The following UIMC1 variants were observed in gnomAD, a reference collection of about 807,000 sequenced individuals.
The protein encoded by UIMC1 is BRCA1-A complex subunit RAP80.
In UIMC1, 42 loss-of-function variants were observed where a neutral mutation model predicts 84.9. That is an observed-to-expected ratio of 0.49 (90% CI 0.39 to 0.64). UIMC1 has a LOEUF of 0.64. Ranked by LOEUF, UIMC1 falls within the 30% of genes least tolerant of loss-of-function variation. The probability of loss-of-function intolerance (pLI) is 0.00; values close to 1 mark genes in which losing one functional copy is unlikely to be tolerated. For synonymous variants in UIMC1, 281 were observed against 293.0 expected, an observed-to-expected ratio of 0.96 and a Z score of 0.42; for missense variants, 825 against 847.6, an observed-to-expected ratio of 0.97 and a Z score of 0.33.
At position 176,956,045 on chromosome 5, in the gene UIMC1, A is replaced by G; in HGVS notation, c.1263-10T>C. On this transcript the variant is annotated splice_polypyrimidine_tract_variant and intron_variant, in intron 7 of 14. Coordinates refer to ENST00000511320, the MANE Select transcript of UIMC1 (RefSeq NM_001199298.2). ...GGTCAAAGCAGCAACACTGAAAGAG[A>G]ACCAAATCCCAAATGAATTCCCAGT... is the stretch of plus-strand genomic sequence containing the variant. 1 of 1,612,574 alleles carries G rather than the reference A, an allele frequency of 6.2e-7. No individual in the cohort carries two copies. The highest frequency in any genetic ancestry group is 8.5e-7 in the Non-Finnish European group (1 of 1,179,376).
At chr5:176,995,639 C>T (rs190620157) in intron 1 of UIMC1, among the ~76,000 whole-genome samples, 1 of 149,036 alleles carries the variant, frequency 6.7e-6, no homozygotes. Flanking sequence ...GTGAAAAGAT[C>T]GAGACCATCC....
intron 1 of UIMC1, among the ~76,000 whole-genome samples, chr5:177,004,192 A>C (rs1774952400): frequency 6.6e-6 from 1 of 152,204 alleles, no homozygotes; most frequent in African/African-American, 2.4e-5. Flanking sequence ...AAAGGCATGT[A>C]AATAAATAAA....
chr5:176,973,677 G>A (rs573580095), intron 3 of UIMC1, among the ~76,000 whole-genome samples: 247 of 152,182 alleles, frequency 1.6e-3, no homozygotes, highest in African/African-American at 5.7e-3. Context: ...GCAGAGGTGG[G>A]AAGATCACTT....
intron 13 of UIMC1, chr5:176,906,296 AG>A (rs1465584880): frequency 4.5e-6 from 2 of 441,250 alleles, no homozygotes; most frequent in Non-Finnish European, 8.1e-6. Context: ...TCTGGACTTG[AG>A]GAACAAGGAA....
chr5:176,983,533 T>C (rs992111004), intron 1 of UIMC1, among the ~76,000 whole-genome samples: 1 of 152,104 alleles, frequency 6.6e-6, no homozygotes, highest in African/African-American at 2.4e-5. Context: ...GCTCACTCAA[T>C]GCTCAATGTT....
chr5:177,010,990 C>T (rs1233343706), upstream of UIMC1, among the ~76,000 whole-genome samples: 1 of 151,930 alleles, frequency 6.6e-6, no homozygotes, highest in Non-Finnish European at 1.5e-5. Flanking sequence ...CTCAGGAGTT[C>T]GAGACCAGCC....
intron 10 of UIMC1, among the ~76,000 whole-genome samples, chr5:176,934,160 T>C: frequency 6.6e-6 from 1 of 152,114 alleles, no homozygotes. Flanking sequence ...AGCACAATAT[T>C]TCACTAACAG....
intron 10 of UIMC1, among the ~76,000 whole-genome samples, chr5:176,936,502 T>C (rs1763726734): frequency 6.6e-6 from 1 of 152,214 alleles, no homozygotes; most frequent in African/African-American, 2.4e-5. Flanking sequence ...TTTGCTTAAA[T>C]ATTATTCTTT....
At chr5:176,977,774 G>C (rs1770362408) in intron 2 of UIMC1, among the ~76,000 whole-genome samples, 1 of 151,766 alleles carries the variant, frequency 6.6e-6, no homozygotes, top group African/African-American at 2.4e-5. Context: ...CGCAGGTGTG[G>C]TGGCAGGCAC....
At chr5:176,907,039 C>G in intron 13 of UIMC1, 75 bp downstream of exon 13, 1 of 1,479,862 alleles carries the variant, frequency 6.8e-7, no homozygotes, top group Non-Finnish European at 9.4e-7. Flanking sequence ...AGCAAATAGT[C>G]AGGGGGCTGG....
Position 176,905,081 on chromosome 5 carries a change from C to A in UIMC1, c.*201G>T. 1 of 452,206 alleles carries A rather than the reference C, an allele frequency of 2.2e-6. No homozygotes were observed. The highest frequency in any genetic ancestry group is 2.0e-5 in the African/African-American group (1 of 49,946). The allele number at this position is 452,206 out of a possible 1,614,324, so 28.0% of individuals were successfully genotyped here. On this transcript the variant is annotated 3_prime_UTR_variant, in exon 15 of 15. Coordinates refer to ENST00000511320, the MANE Select transcript of UIMC1 (RefSeq NM_001199298.2). Reference sequence around the variant, plus strand: ...TAAATTTTTTAACTGTAAGTAAATTCAAACAAACTGTTATAAAACAGAATA... The same window carrying A: ...TAAATTTTTTAACTGTAAGTAAATTAAAACAAACTGTTATAAAACAGAATA...
At chr5:176,908,720 A>T (rs1442027808) in intron 11 of UIMC1, 26 bp from the exon 12 acceptor site, 1 of 1,604,106 alleles carries the variant, frequency 6.2e-7, no homozygotes, top group African/African-American at 1.3e-5. Context: ...AAAGGAAGAA[A>T]ACACAGTTTT....
At chr5:176,985,774 T>C (rs376862629) in intron 1 of UIMC1, among the ~76,000 whole-genome samples, 31 of 152,186 alleles carry the variant, frequency 2.0e-4, no homozygotes, top group African/African-American at 7.0e-4. Context: ...CTGGCTAATT[T>C]AATTTACTTT....
intron 1 of UIMC1, among the ~76,000 whole-genome samples, chr5:176,990,404 C>T (rs1472827208): frequency 6.6e-6 from 1 of 151,918 alleles, no homozygotes; most frequent in African/African-American, 2.4e-5. Context: ...GACTTCAGAA[C>T]TGTGAACAAA....
chr5:176,991,244 C>G (rs1772798160), intron 1 of UIMC1, among the ~76,000 whole-genome samples: 1 of 151,806 alleles, frequency 6.6e-6, no homozygotes, highest in Non-Finnish European at 1.5e-5. Context: ...CTCCTGACCT[C>G]GTGATCCACC....
intron 10 of UIMC1, among the ~76,000 whole-genome samples, chr5:176,929,355 A>G (rs1762803150): frequency 6.6e-6 from 1 of 151,468 alleles, no homozygotes; most frequent in East Asian, 1.9e-4. Context: ...TGAGGTCAGG[A>G]GATCGAGACC....
rs772051729 is a variant in UIMC1 at position 176,975,433 on chromosome 5, C to G, written c.195G>C (p.Ser65=). Residue 65 remains serine, a synonymous_variant, in exon 3 of 15, where the codon TCG becomes TCC. Coordinates refer to ENST00000511320, the MANE Select transcript of UIMC1 (RefSeq NM_001199298.2). ...NGLQKTKTKQ[S]NRAKCLAKRK... ...TTTTGGCCAAACACTTTGCTCTATT[C>G]GACTGTTTTGTCTTCGTTTTCTGCA... 6.2e-7 allele frequency: 1 copy of G among 1,614,000 alleles called. No homozygotes were observed. The highest frequency in any genetic ancestry group is 8.5e-7 in the Non-Finnish European group (1 of 1,179,974).
At chr5:176,971,902 T>C (rs1769292752) in intron 3 of UIMC1, among the ~76,000 whole-genome samples, 1 of 151,658 alleles carries the variant, frequency 6.6e-6, no homozygotes, top group Non-Finnish European at 1.5e-5. Flanking sequence ...AAAGCAAGAC[T>C]CCATCTCAAA....
chr5:176,934,333 C>T (rs978421427), intron 10 of UIMC1, among the ~76,000 whole-genome samples: 1 of 152,272 alleles, frequency 6.6e-6, no homozygotes, highest in Non-Finnish European at 1.5e-5. Context: ...TTAGAATAAG[C>T]TCAAATTCCA....
Sources: allele counts gnomAD v4.1 joint callset (sites outside exome capture counted in the v4.1 genomes callset), GRCh38; gene constraint gnomAD v4.1.1; transcripts MANE v1.5; gene names NCBI Gene and HGNC (gene_info 2026-07-23, HGNC 2026-07-21).